CNTNAP2: variants seen among roughly 807,000 people sequenced by gnomAD.
CNTNAP2 encodes contactin associated protein 2.
CNTNAP2 carries 98 observed loss-of-function variants against 155.2 expected under a neutral mutation model. That is an observed-to-expected ratio of 0.63 (90% CI 0.54 to 0.75). The LOEUF is 0.75. CNTNAP2 is among the 30% of genes least tolerant of loss of function. The pLI is 0.00. For missense variants in CNTNAP2, 1,727 were observed against 1,688.1 expected, an observed-to-expected ratio of 1.02 and a Z score of -0.40; for synonymous variants, 651 against 631.2, an observed-to-expected ratio of 1.03 and a Z score of -0.47.
chr7:147,132,798 A>G (rs1801403905), intron 8 of CNTNAP2, among the ~76,000 whole-genome samples: 1 of 152,140 alleles, frequency 6.6e-6, no homozygotes, highest in Admixed American at 6.6e-5. Context: ...TCTTCTTTTA[A>G]GTGAATAATT....
At chr7:147,720,501 GCTGAGT>G (rs1042818356) in intron 13 of CNTNAP2, among the ~76,000 whole-genome samples, 6 of 152,086 alleles carry the variant, frequency 3.9e-5, no homozygotes, top group African/African-American at 1.4e-4. Flanking sequence ...AAAGTTTAAT[GCTGAGT>G]GATATGGTTA....
intron 13 of CNTNAP2, among the ~76,000 whole-genome samples, chr7:147,786,952 G>A (rs1797750127): frequency 1.3e-5 from 2 of 151,884 alleles, no homozygotes; most frequent in Non-Finnish European, 2.9e-5. Flanking sequence ...CTGGACAACA[G>A]GCCACTATCC....
intron 1 of CNTNAP2, among the ~76,000 whole-genome samples, chr7:146,332,658 C>T (rs1252217985): frequency 6.6e-6 from 1 of 152,154 alleles, no homozygotes; most frequent in African/African-American, 2.4e-5. Flanking sequence ...ATCGTTAATA[C>T]AGGCTTCCAT....
chr7:147,787,145 A>G (rs1054742264), intron 13 of CNTNAP2, among the ~76,000 whole-genome samples: 1 of 152,234 alleles, frequency 6.6e-6, no homozygotes, highest in African/African-American at 2.4e-5. Flanking sequence ...GAATACCTGC[A>G]GGTGTGCGCT....
At chr7:147,594,908 C>T (rs994959162) in intron 12 of CNTNAP2, among the ~76,000 whole-genome samples, 2 of 150,154 alleles carry the variant, frequency 1.3e-5, no homozygotes, top group Admixed American at 6.6e-5. Flanking sequence ...AGAGAGAAAG[C>T]GGAAGGAGAG....
chr7:147,696,515 TG>T (rs1408051823), intron 13 of CNTNAP2, among the ~76,000 whole-genome samples: 1 of 152,194 alleles, frequency 6.6e-6, no homozygotes, highest in Non-Finnish European at 1.5e-5. Context: ...ATTATTATCA[TG>T]AACAACCTGT....
intron 15 of CNTNAP2, among the ~76,000 whole-genome samples, chr7:148,097,487 T>C (rs1381279640): frequency 6.6e-6 from 1 of 152,054 alleles, no homozygotes; most frequent in African/African-American, 2.4e-5. Context: ...TAAGCTACTC[T>C]TTTTTGGGGG....
intron 3 of CNTNAP2, among the ~76,000 whole-genome samples, chr7:146,889,364 G>A (rs7784949): frequency 0.36 from 54,865 of 151,852 alleles, 11,712 homozygotes; most frequent in East Asian, 0.64. Context: ...ACTTCAGGAC[G>A]GAGGCCAAGT....
At chr7:146,335,486 A>G (rs1237294355) in intron 1 of CNTNAP2, among the ~76,000 whole-genome samples, 3 of 152,092 alleles carry the variant, frequency 2.0e-5, no homozygotes, top group African/African-American at 4.8e-5. Flanking sequence ...TGCCCTCACT[A>G]TAAGAAGGAG....
chr7:148,236,920 G>A (rs1472297053), intron 20 of CNTNAP2, among the ~76,000 whole-genome samples: 1 of 152,190 alleles, frequency 6.6e-6, no homozygotes, highest in Admixed American at 6.5e-5. Flanking sequence ...CAAGAGGGTG[G>A]TGCTAAACCG....
At chr7:147,621,739 A>T (rs1794860797) in intron 12 of CNTNAP2, among the ~76,000 whole-genome samples, 1 of 152,056 alleles carries the variant, frequency 6.6e-6, no homozygotes, top group Admixed American at 6.6e-5. Context: ...AAAAACAACC[A>T]GAAAACAAAT....
intron 13 of CNTNAP2, among the ~76,000 whole-genome samples, chr7:147,663,744 T>C (rs1238053834): frequency 6.6e-6 from 1 of 152,230 alleles, no homozygotes; most frequent in African/African-American, 2.4e-5. Flanking sequence ...ATTGTATATA[T>C]TTAAGGTATA....
At chr7:146,913,780 T>G (rs767006435) in intron 3 of CNTNAP2, among the ~76,000 whole-genome samples, 1 of 152,038 alleles carries the variant, frequency 6.6e-6, no homozygotes, top group Non-Finnish European at 1.5e-5. Context: ...AATAGGTTTT[T>G]GGGGAACAGG....
chr7:147,955,793 G>A (rs578206616), intron 14 of CNTNAP2, among the ~76,000 whole-genome samples: 6 of 152,276 alleles, frequency 3.9e-5, no homozygotes, highest in South Asian at 2.1e-4. Flanking sequence ...CAAAAGCGCC[G>A]TGCACATATC....
chr7:147,706,805 G>A (rs1242658413), intron 13 of CNTNAP2, among the ~76,000 whole-genome samples: 2 of 152,106 alleles, frequency 1.3e-5, no homozygotes, highest in African/African-American at 4.8e-5. Flanking sequence ...TATGCCACAA[G>A]GCTTTGTTCA....
intron 13 of CNTNAP2, among the ~76,000 whole-genome samples, chr7:147,746,454 G>T (rs1179611141): frequency 6.6e-6 from 1 of 152,090 alleles, no homozygotes; most frequent in Non-Finnish European, 1.5e-5. Context: ...CACGTCTTCC[G>T]CTGGGACGAG....
At chr7:147,597,161 G>T (rs1175403107) in intron 12 of CNTNAP2, among the ~76,000 whole-genome samples, 1 of 152,086 alleles carries the variant, frequency 6.6e-6, no homozygotes, top group Non-Finnish European at 1.5e-5. Context: ...TAATAAAATT[G>T]CTTTCACTTT....
At chr7:146,893,706 T>TAG (rs1226062485) in intron 3 of CNTNAP2, among the ~76,000 whole-genome samples, 1 of 152,166 alleles carries the variant, frequency 6.6e-6, no homozygotes, top group African/African-American at 2.4e-5. Context: ...CCATACTGCC[T>TAG]GTCTCTTTAG....
chr7:147,652,402 A>G (rs939695178), intron 13 of CNTNAP2, among the ~76,000 whole-genome samples: 2 of 152,184 alleles, frequency 1.3e-5, no homozygotes, highest in Non-Finnish European at 2.9e-5. Context: ...TGTCATCTAT[A>G]TATCTAGATA....
Sources: gnomAD v4.1 joint callset for allele counts (sites outside exome capture counted in the v4.1 genomes callset) on GRCh38, gnomAD v4.1.1 for gene constraint, MANE v1.5 for transcripts, NCBI Gene and HGNC (gene_info 2026-07-23, HGNC 2026-07-21) for gene names.